DLG2: variants seen among roughly 807,000 people sequenced by gnomAD.
The protein encoded by DLG2 is discs large MAGUK scaffold protein 2.
In DLG2, 45 loss-of-function variants were observed where a neutral mutation model predicts 132.5. The observed-to-expected ratio is 0.34, with a 90% CI of 0.27 to 0.44. The LOEUF is 0.44. DLG2 is among the 20% of genes least tolerant of loss of function. The pLI, the probability that DLG2 is intolerant of heterozygous loss-of-function variation, is 1.00. For missense variants in DLG2, 1,045 were observed against 1,196.9 expected (o/e 0.87, Z 1.87); for synonymous variants, 424 against 419.6 (o/e 1.01, Z -0.13).
At chr11:84,418,378 T>C (rs1415909553) in intron 7 of DLG2, among the ~76,000 whole-genome samples, 3 of 152,192 alleles carry the variant, frequency 2.0e-5, no homozygotes, top group Non-Finnish European at 4.4e-5. Context: ...TCCAGAATAA[T>C]AGTTGGATGA....
chr11:84,001,318 T>C (rs116481806), intron 11 of DLG2, among the ~76,000 whole-genome samples: 2,465 of 112,864 alleles, frequency 0.022, 69 homozygotes, highest in African/African-American at 0.065. Flanking sequence ...AAAACAGACT[T>C]CAAGTAAAAA....
chr11:85,528,654 A>G (rs1017869778), intron 3 of DLG2, among the ~76,000 whole-genome samples: 2 of 152,234 alleles, frequency 1.3e-5, no homozygotes, highest in African/African-American at 2.4e-5. Flanking sequence ...GTTATGCTTC[A>G]TGAATAAATA....
intron 4 of DLG2, among the ~76,000 whole-genome samples, chr11:85,257,945 C>A (rs1051842991): frequency 6.6e-6 from 1 of 152,048 alleles, no homozygotes; most frequent in East Asian, 1.9e-4. Context: ...AGTCAGTATC[C>A]AAATGAGTTT....
intron 6 of DLG2, among the ~76,000 whole-genome samples, chr11:84,841,230 C>A (rs1465642517): frequency 6.6e-6 from 1 of 151,738 alleles, no homozygotes; most frequent in Non-Finnish European, 1.5e-5. Flanking sequence ...GTACCAAGAG[C>A]AGGATTACTT....
chr11:84,502,897 T>A (rs1037139783), intron 7 of DLG2, among the ~76,000 whole-genome samples: 2 of 152,142 alleles, frequency 1.3e-5, no homozygotes, highest in Non-Finnish European at 2.9e-5. Flanking sequence ...AAATGCATCA[T>A]CACTCATATT....
intron 3 of DLG2, among the ~76,000 whole-genome samples, chr11:85,307,487 C>A (rs2080031913): frequency 6.6e-6 from 1 of 152,092 alleles, no homozygotes; most frequent in African/African-American, 2.4e-5. Flanking sequence ...ATATGGAAAT[C>A]TTTCTTCAAG....
intron 6 of DLG2, among the ~76,000 whole-genome samples, chr11:85,043,257 G>A (rs2062028308): frequency 6.6e-6 from 1 of 151,720 alleles, no homozygotes; most frequent in Admixed American, 6.6e-5. Flanking sequence ...TTCCCAAGCT[G>A]AAATTACTAG....
At chr11:84,947,558 C>T (rs1256617170) in intron 6 of DLG2, among the ~76,000 whole-genome samples, 1 of 152,202 alleles carries the variant, frequency 6.6e-6, no homozygotes, top group Non-Finnish European at 1.5e-5. Context: ...CTTCCCCCAC[C>T]ACACCCCTTG....
At chr11:84,484,116 G>A (rs184059427) in intron 7 of DLG2, among the ~76,000 whole-genome samples, 8 of 152,262 alleles carry the variant, frequency 5.3e-5, no homozygotes, top group African/African-American at 1.9e-4. Flanking sequence ...TCTCTACTGT[G>A]GGGTACAAGA....
intron 18 of DLG2, among the ~76,000 whole-genome samples, chr11:83,692,723 C>G (rs1255285494): frequency 6.6e-6 from 1 of 152,184 alleles, no homozygotes; most frequent in Non-Finnish European, 1.5e-5. Flanking sequence ...TTTGTCATTA[C>G]TACTTTGAGG....
chr11:85,173,289 T>A (rs1036797513), intron 4 of DLG2, among the ~76,000 whole-genome samples: 1 of 152,166 alleles, frequency 6.6e-6, no homozygotes, highest in Non-Finnish European at 1.5e-5. Context: ...GCAAAAACCC[T>A]ACAAACCAGA....
At chr11:84,061,695 TGTTTA>T (rs1472299197) in intron 10 of DLG2, among the ~76,000 whole-genome samples, 1 of 152,190 alleles carries the variant, frequency 6.6e-6, no homozygotes, top group Non-Finnish European at 1.5e-5. Flanking sequence ...TTTCTATACC[TGTTTA>T]GTTATAGGAA....
At chr11:84,254,861 C>G (rs988576778) in intron 7 of DLG2, among the ~76,000 whole-genome samples, 66 of 152,138 alleles carry the variant, frequency 4.3e-4, no homozygotes, top group African/African-American at 1.6e-3. Flanking sequence ...ACACCTACCT[C>G]TCTAAAAGTC....
intron 3 of DLG2, among the ~76,000 whole-genome samples, chr11:85,532,352 A>T (rs1468473705): frequency 6.6e-6 from 1 of 152,210 alleles, no homozygotes; most frequent in African/African-American, 2.4e-5. Flanking sequence ...ATTTTCCAAG[A>T]CTAGTTTCCC....
intron 18 of DLG2, chr11:83,643,630 C>G (rs758415289): frequency 6.6e-6 from 1 of 152,088 alleles, no homozygotes; most frequent in Non-Finnish European, 1.5e-5. Flanking sequence ...TCTAAGTTTC[C>G]TCTTTGCCTG....
At chr11:84,243,397 A>AT (rs11448386) in intron 8 of DLG2, among the ~76,000 whole-genome samples, 35,967 of 152,064 alleles carry the variant, frequency 0.24, 4,567 homozygotes, top group African/African-American at 0.33. Flanking sequence ...AATTTGTTGA[A>AT]TAAATAGAGC....
intron 6 of DLG2, among the ~76,000 whole-genome samples, chr11:84,703,582 C>T (rs1246186116): frequency 6.6e-6 from 1 of 151,408 alleles, no homozygotes; most frequent in Non-Finnish European, 1.5e-5. Flanking sequence ...ATGCCCCACA[C>T]TAAACTATAG....
chr11:85,621,928 A>G (rs1469618426), intron 2 of DLG2, among the ~76,000 whole-genome samples: 7 of 152,378 alleles, frequency 4.6e-5, no homozygotes, highest in African/African-American at 1.4e-4. Context: ...GCTGTCAAAC[A>G]GCATCTCATG....
At chr11:84,355,267 G>T (rs1172063920) in intron 7 of DLG2, among the ~76,000 whole-genome samples, 1 of 151,920 alleles carries the variant, frequency 6.6e-6, no homozygotes, top group Non-Finnish European at 1.5e-5. Flanking sequence ...TTATATGAAG[G>T]CAAAACGGAC....
Sources: gnomAD v4.1 joint callset for allele counts (sites outside exome capture counted in the v4.1 genomes callset) on GRCh38, gnomAD v4.1.1 for gene constraint, MANE v1.5 for transcripts, NCBI Gene and HGNC (gene_info 2026-07-23, HGNC 2026-07-21) for gene names.